FAM135B: variants seen among roughly 807,000 people sequenced by gnomAD.
The protein encoded by FAM135B is protein FAM135B.
In FAM135B, 43 loss-of-function variants were observed where a neutral mutation model predicts 127.7. The observed-to-expected ratio is 0.34, with a 90% CI of 0.26 to 0.43. FAM135B has a LOEUF of 0.43. Among genes scored for constraint, FAM135B ranks in the 20% least tolerant of loss-of-function variants. The probability of loss-of-function intolerance (pLI) is 1.00; values close to 1 mark genes in which losing one functional copy is unlikely to be tolerated. For missense variants in FAM135B, 1,558 were observed against 1,725.6 expected, an observed-to-expected ratio of 0.90 and a Z score of 1.72; for synonymous variants, 670 against 665.1, an observed-to-expected ratio of 1.01 and a Z score of -0.11.
chr8:138,350,900 T>C (rs1003044626), intron 2 of FAM135B, among the ~76,000 whole-genome samples: 1 of 152,200 alleles, frequency 6.6e-6, no homozygotes, highest in African/African-American at 2.4e-5. Flanking sequence ...ATGGTCTTCA[T>C]ATCTAATGTC....
intron 1 of FAM135B, among the ~76,000 whole-genome samples, chr8:138,385,095 C>T (rs975756606): frequency 1.9e-4 from 29 of 152,282 alleles, no homozygotes; most frequent in Middle Eastern, 3.4e-3. Context: ...CCGTTTCCCC[C>T]AGCTCAGATA....
chr8:138,168,085 G>C (rs768129722), intron 11 of FAM135B, 36 bp from the exon 12 acceptor site: 5 of 1,572,404 alleles, frequency 3.2e-6, no homozygotes, highest in Non-Finnish European at 3.5e-6. Flanking sequence ...GTCCAGGGAA[G>C]AGTCAGAGGT....
intron 2 of FAM135B, among the ~76,000 whole-genome samples, chr8:138,361,278 T>C (rs985103660): frequency 1.1e-4 from 17 of 152,164 alleles, no homozygotes; most frequent in African/African-American, 4.1e-4. Flanking sequence ...TGCTGGTCCG[T>C]GAGCCACCAT....
intron 11 of FAM135B, 118 bp from the exon 12 acceptor site, chr8:138,168,167 GC>G: frequency 8.5e-7 from 1 of 1,180,652 alleles, no homozygotes; most frequent in Non-Finnish European, 1.2e-6. Context: ...GCAATTGTCT[GC>G]CCATCATCCT....
chr8:138,339,708 A>G (rs1247807665), intron 2 of FAM135B, among the ~76,000 whole-genome samples: 1 of 152,158 alleles, frequency 6.6e-6, no homozygotes, highest in African/African-American at 2.4e-5. Flanking sequence ...CACAGAGTTA[A>G]AGTGCTAGAA....
intron 1 of FAM135B, among the ~76,000 whole-genome samples, chr8:138,380,573 TAC>T (rs1831788850): frequency 6.6e-6 from 1 of 152,058 alleles, no homozygotes; most frequent in Non-Finnish European, 1.5e-5. Context: ...ACCCGCTCCT[TAC>T]ACAGATACGA....
intron 2 of FAM135B, among the ~76,000 whole-genome samples, chr8:138,341,171 T>C (rs1587152799): frequency 6.6e-6 from 1 of 152,334 alleles, no homozygotes; most frequent in Non-Finnish European, 1.5e-5. Flanking sequence ...CAAATGTCCA[T>C]CACCAGATGA....
intron 1 of FAM135B, among the ~76,000 whole-genome samples, chr8:138,403,332 T>C: frequency 6.6e-6 from 1 of 152,038 alleles, no homozygotes. Flanking sequence ...GAACCAGCCC[T>C]GCAGGTAGAC....
In FAM135B at chr8:138,148,613, G is replaced by C. The variant is rs2130692092; in HGVS notation, c.3355C>G (p.Leu1119Val). ...EGFLYSDLTV[L>V]ASDIPYFPPE... Reference sequence around the variant, plus strand: ...GGGAAATATGGTATATCAGAAGCTAGTACAGTTAAGTCACTGTACAGAAAT... The same window carrying C: ...GGGAAATATGGTATATCAGAAGCTACTACAGTTAAGTCACTGTACAGAAAT... The change falls in exon 14 of 20, where the codon CTA (leucine) becomes GTA (valine). Residue 1119 changes from leucine (L) to valine (V), a missense_variant. Physicochemically the swap from Leu to Val is conservative, Grantham distance 32. This residue lies in a region of FAM135B where 923 missense variants were observed against 865.3 expected (regional missense o/e 1.07). Coordinates refer to ENST00000395297, the MANE Select transcript of FAM135B (RefSeq NM_015912.4). 1 of 1,612,104 alleles carries C rather than the reference G, an allele frequency of 6.2e-7. No homozygotes were observed. The highest frequency in any genetic ancestry group is 8.5e-7 in the Non-Finnish European group (1 of 1,178,380).
chr8:138,488,615 C>G (rs561556685), intron 1 of FAM135B, among the ~76,000 whole-genome samples: 1 of 152,052 alleles, frequency 6.6e-6, no homozygotes, highest in Non-Finnish European at 1.5e-5. Context: ...CCAGAGGAAG[C>G]CAGATAGTGT....
intron 5 of FAM135B, 135 bp downstream of exon 5, chr8:138,256,554 G>C: frequency 2.8e-6 from 2 of 716,052 alleles, no homozygotes; most frequent in Non-Finnish European, 4.8e-6. Context: ...CCTGAGTCAG[G>C]GACATTGCAG....
At chr8:138,477,830 C>T (rs1211718676) in intron 1 of FAM135B, among the ~76,000 whole-genome samples, 1 of 152,150 alleles carries the variant, frequency 6.6e-6, no homozygotes, top group Non-Finnish European at 1.5e-5. Flanking sequence ...CTGCCATATG[C>T]TTTTGCCCTT....
chr8:138,252,970 T>C (rs936707307), intron 5 of FAM135B, among the ~76,000 whole-genome samples: 1 of 152,120 alleles, frequency 6.6e-6, no homozygotes, highest in Non-Finnish European at 1.5e-5. Flanking sequence ...CAGCTAATTT[T>C]TGTATTTTTC....
chr8:138,148,355 T>C (rs1479402067), intron 14 of FAM135B, among the ~76,000 whole-genome samples, 165 bp downstream of exon 14: 1 of 152,218 alleles, frequency 6.6e-6, no homozygotes, highest in African/African-American at 2.4e-5. Flanking sequence ...GATATTTTCT[T>C]CAACAGCAAG....
chr8:138,225,060 T>C (rs985429063), intron 7 of FAM135B, among the ~76,000 whole-genome samples: 10 of 152,168 alleles, frequency 6.6e-5, no homozygotes, highest in Non-Finnish European at 1.5e-4. Context: ...AATGTATATT[T>C]CAAAATTGCT....
Position 138,151,314 on chromosome 8 carries a change from C to A in FAM135B, c.3161G>T (p.Arg1054Met). The change falls in exon 13 of 20, where the codon AGG becomes ATG. Residue 1054 changes from arginine (R) to methionine (M), a missense_variant. By Grantham distance (91) the Arg-to-Met change is moderately conservative. Transcript: ENST00000395297. ...FSSVPKETPA[R>M]AGFSSKQTLF... is the part of the protein sequence containing the mutation. ...GGTCTGTTTGGAAGAGAATCCAGCC[C>A]TGGCAGGGGTCTCCTTGGGCACAGA... 1 of 1,614,014 alleles carries A rather than the reference C, an allele frequency of 6.2e-7. No homozygotes were observed. Among genetic ancestry groups the A allele is most frequent in the South Asian group, 1.1e-5 (1 of 91,052 alleles).
intron 1 of FAM135B, chr8:138,436,995 G>A (rs1301882561): frequency 6.6e-6 from 1 of 152,150 alleles, no homozygotes; most frequent in Non-Finnish European, 1.5e-5. Flanking sequence ...GCATAAATAA[G>A]GAGAATAAAG....
intron 3 of FAM135B, among the ~76,000 whole-genome samples, chr8:138,274,315 C>T (rs1343876902): frequency 2.6e-5 from 4 of 152,114 alleles, no homozygotes; most frequent in East Asian, 1.9e-4. Flanking sequence ...CAGTAGGTTC[C>T]GTGATGCCCC....
chr8:138,244,644 C>A (rs1459832386), intron 6 of FAM135B, among the ~76,000 whole-genome samples: 3 of 152,168 alleles, frequency 2.0e-5, no homozygotes, highest in Non-Finnish European at 4.4e-5. Flanking sequence ...TGAAGCAACT[C>A]TCTAATTTAG....
Sources: gnomAD v4.1 joint callset for allele counts (sites outside exome capture counted in the v4.1 genomes callset) on GRCh38, gnomAD v4.1.1 for gene constraint, gnomAD v4.1.1 regional missense constraint, MANE v1.5 for transcripts, NCBI Gene and HGNC (gene_info 2026-07-23, HGNC 2026-07-21) for gene names.